Variants in ANKRD33B observed in about 807,000 individuals in gnomAD.
ANKRD33B encodes ankyrin repeat domain-containing protein 33B.
In ANKRD33B, 6 loss-of-function variants were observed where a neutral mutation model predicts 21.5. The observed-to-expected ratio is 0.28, with a 90% CI of 0.15 to 0.55. The LOEUF is 0.55. ANKRD33B is among the 20% of genes least tolerant of loss of function. ANKRD33B has a pLI of 0.94. For synonymous variants in ANKRD33B, 347 were observed against 342.4 expected (o/e 1.01, Z -0.15); for missense variants, 698 against 747.2 (o/e 0.93, Z 0.77).
chr5:10,586,485 CTGTGTGTGTGTGTGTGTGTGTGTGTGTG>C (rs55940283), intron 1 of ANKRD33B, among the ~76,000 whole-genome samples: 3 of 140,416 alleles, frequency 2.1e-5, no homozygotes, highest in Admixed American at 7.1e-5. Flanking sequence ...GTTCTTGTAA[CTGTGTGTGTGTGTGTGTGTGTGTGTGTG>C]TGTGTGTGTG....
chr5:10,568,280 G>A (rs1236468316), intron 1 of ANKRD33B, among the ~76,000 whole-genome samples: 1 of 152,154 alleles, frequency 6.6e-6, no homozygotes, highest in African/African-American at 2.4e-5. Flanking sequence ...TGGTTGTTTT[G>A]TTCCTTCTGA....
rs543212683 is a variant in ANKRD33B, at chr5:10,628,929, A to G, written c.497-9099A>G. 5.9e-5 allele frequency among the ~76,000 whole-genome samples: 9 copies of G among 151,896 alleles called. No homozygotes were observed. In the South Asian group the frequency reaches 1.9e-3, roughly 32 times the overall value. ...GAGGCAGAATATTCCAGGTAGAGGG[A>G]CTCCTTGTGCAGAGGCCACTAGATT... On this transcript the variant is annotated intron_variant, in intron 2 of 3. Transcript: ENST00000296657.
intron 1 of ANKRD33B, among the ~76,000 whole-genome samples, chr5:10,566,825 C>T (rs1030828272): frequency 6.6e-6 from 1 of 152,172 alleles, no homozygotes; most frequent in Non-Finnish European, 1.5e-5. Flanking sequence ...TAAGGGCAGC[C>T]TCTCCTCTTA....
At chr5:10,616,050 T>C (rs973209854) in intron 1 of ANKRD33B, among the ~76,000 whole-genome samples, 1 of 152,240 alleles carries the variant, frequency 6.6e-6, no homozygotes, top group Admixed American at 6.5e-5. Flanking sequence ...AAAGGGTGCT[T>C]AAGCTAGATT....
At chr5:10,568,620 C>T (rs7730748) in intron 1 of ANKRD33B, among the ~76,000 whole-genome samples, 30 of 152,300 alleles carry the variant, frequency 2.0e-4, no homozygotes, top group African/African-American at 6.3e-4. Flanking sequence ...CTGCAACCTC[C>T]GCCTCCGGGG....
intron 1 of ANKRD33B, among the ~76,000 whole-genome samples, chr5:10,567,512 C>T (rs947082814): frequency 4.6e-5 from 7 of 152,162 alleles, no homozygotes; most frequent in African/African-American, 9.6e-5. Flanking sequence ...TTTCACATGA[C>T]GGTGTCCGGT....
chr5:10,584,279 C>T (rs1419267796), intron 1 of ANKRD33B, among the ~76,000 whole-genome samples: 1 of 152,188 alleles, frequency 6.6e-6, no homozygotes, highest in African/African-American at 2.4e-5. Flanking sequence ...GGGGCGGTGG[C>T]TTATGCGTGT....
intron 2 of ANKRD33B, among the ~76,000 whole-genome samples, chr5:10,633,992 C>G (rs903724854): frequency 2.0e-5 from 3 of 152,174 alleles, no homozygotes; most frequent in Non-Finnish European, 4.4e-5. Context: ...GGGGGGAACA[C>G]GTTCTAGCCC....
chr5:10,624,614 G>A, intron 2 of ANKRD33B: 1 of 388,978 alleles, frequency 2.6e-6, no homozygotes. Flanking sequence ...GCAGAGGGGA[G>A]AGGGACTTTA....
At chr5:10,595,775 A>G (rs1360659865) in intron 1 of ANKRD33B, among the ~76,000 whole-genome samples, 1 of 152,162 alleles carries the variant, frequency 6.6e-6, no homozygotes, top group Non-Finnish European at 1.5e-5. Context: ...CCAACCCTGG[A>G]CATTTTCTCT....
At chr5:10,614,062 G>C (rs938886025) in intron 1 of ANKRD33B, among the ~76,000 whole-genome samples, 14 of 151,068 alleles carry the variant, frequency 9.3e-5, no homozygotes, top group Admixed American at 8.6e-4. Flanking sequence ...GAGATTTGAG[G>C]AACTGGCGTG....
intron 1 of ANKRD33B, among the ~76,000 whole-genome samples, chr5:10,588,262 A>C (rs1371292542): frequency 6.6e-6 from 1 of 152,224 alleles, no homozygotes; most frequent in Non-Finnish European, 1.5e-5. Flanking sequence ...CGGTACTTAT[A>C]ATCTTTTTTC....
intron 1 of ANKRD33B, 79 bp downstream of exon 1, chr5:10,564,912 C>G: frequency 7.0e-7 from 1 of 1,429,626 alleles, no homozygotes; most frequent in East Asian, 2.5e-5. Flanking sequence ...CCGCGCCTCC[C>G]AGCTCCTGGC....
intron 3 of ANKRD33B, among the ~76,000 whole-genome samples, chr5:10,641,068 C>T (rs11744898): frequency 0.13 from 20,308 of 152,078 alleles, 1,498 homozygotes; most frequent in Non-Finnish European, 0.16. Flanking sequence ...ATTCAGACCA[C>T]AGCACCACCC....
intron 1 of ANKRD33B, among the ~76,000 whole-genome samples, chr5:10,577,018 G>C (rs553821040): frequency 6.6e-6 from 1 of 152,104 alleles, no homozygotes; most frequent in Non-Finnish European, 1.5e-5. Flanking sequence ...TTTCAAGAAG[G>C]GGGAGGAAGC....
chr5:10,582,938 C>G (rs1735474827), intron 1 of ANKRD33B, among the ~76,000 whole-genome samples: 1 of 151,526 alleles, frequency 6.6e-6, no homozygotes, highest in Non-Finnish European at 1.5e-5. Context: ...CAGTTTCTGC[C>G]CTGTGCAGTC....
chr5:10,624,767 G>T (rs1386364765), intron 2 of ANKRD33B: 1 of 456,774 alleles, frequency 2.2e-6, no homozygotes, highest in Non-Finnish European at 4.4e-6. Context: ...TTAGACACTG[G>T]CTCCCAATCT....
In ANKRD33B at chr5:10,650,301, C is replaced by A; in HGVS notation, c.*188C>A. 1.8e-6 allele frequency: 1 copy of A among 547,348 alleles called. No individual in the cohort carries two copies. Among genetic ancestry groups the A allele is most frequent in the East Asian group, 3.9e-5 (1 of 25,930 alleles). The allele number at this position is 547,348 out of a possible 1,614,324, so 33.9% of individuals were successfully genotyped here. A position where few individuals can be genotyped will look rare whatever the true frequency, so the allele number is the denominator to read the frequency against. On this transcript the variant is annotated 3_prime_UTR_variant, in exon 4 of 4. Transcript: ENST00000296657. Reference sequence around the variant, plus strand: ...GAGGGCTGAGGGAGCCACATGGATTCGCTTGTCGCCAGCCCTCCTAGCAAT... The same window carrying A: ...GAGGGCTGAGGGAGCCACATGGATTAGCTTGTCGCCAGCCCTCCTAGCAAT...
rs1339311531 is a variant in ANKRD33B, at chr5:10,576,222, C to T, written c.366+11389C>T. Among the ~76,000 whole-genome samples the T allele has an allele frequency of 6.6e-6, 1 of 152,068 alleles. No individual in the cohort carries two copies. Among genetic ancestry groups the T allele is most frequent in the South Asian group, 2.1e-4 (1 of 4,814 alleles). Reference sequence around the variant, plus strand: ...TTCCTGTAGCCTTGTTTCCATGAATCGATTGAATTTTGGACATGAAAGCAG... The same window carrying T: ...TTCCTGTAGCCTTGTTTCCATGAATTGATTGAATTTTGGACATGAAAGCAG... On this transcript the variant is annotated intron_variant, in intron 1 of 3. Coordinates refer to ENST00000296657, the MANE Select transcript of ANKRD33B (RefSeq NM_001164440.2). This position sits in a 1 kb window ranked among gnomAD's most constrained non-coding sequence, Gnocchi z 4.1.
Sources: allele counts gnomAD v4.1 joint callset (sites outside exome capture counted in the v4.1 genomes callset), GRCh38; gene constraint gnomAD v4.1.1; non-coding constraint Gnocchi (gnomAD v3.1); transcripts MANE v1.5; gene names NCBI Gene and HGNC (gene_info 2026-07-23, HGNC 2026-07-21).